Variants in NTN4 observed in about 807,000 individuals in gnomAD.
NTN4 encodes the protein netrin 4.
NTN4 carries 32 observed loss-of-function variants against 73.6 expected under a neutral mutation model. The ratio of observed to expected loss-of-function variants is 0.44; its 90% CI spans 0.33 to 0.58. NTN4 has a LOEUF of 0.58. Among genes scored for constraint, NTN4 ranks in the 20% least tolerant of loss-of-function variants. The pLI is 0.04. For synonymous variants in NTN4, 258 were observed against 287.5 expected, an observed-to-expected ratio of 0.90 and a Z score of 1.04; for missense variants, 654 against 798.3, an observed-to-expected ratio of 0.82 and a Z score of 2.18.
At chr12:95,713,502 T>A (rs183873744) in intron 3 of NTN4, among the ~76,000 whole-genome samples, 164 bp from the exon 4 acceptor site, 315 of 152,360 alleles carry the variant, frequency 2.1e-3, no homozygotes, top group Non-Finnish European at 3.5e-3. Flanking sequence ...CTTTAGTTTG[T>A]CTTATCATCT....
intron 2 of NTN4, among the ~76,000 whole-genome samples, chr12:95,751,230 GA>G (rs1405742218): frequency 6.6e-6 from 1 of 151,352 alleles, no homozygotes; most frequent in Non-Finnish European, 1.5e-5. Flanking sequence ...TACAATAATA[GA>G]AAAAAGTTGC....
intron 9 of NTN4, among the ~76,000 whole-genome samples, chr12:95,661,974 A>G (rs1215107777): frequency 6.6e-6 from 1 of 152,208 alleles, no homozygotes; most frequent in Non-Finnish European, 1.5e-5. Context: ...CCTGAGTATT[A>G]GATAACATGA....
rs1285075109 is a variant in NTN4 at position 95,771,708 on chromosome 12, AAT to A, written c.585+15229_585+15230del. ...AGTTAGATAATTTCAACATGAATGG[AAT>A]ATGAGGCCCTCAAAATCTGAAGGTC... On this transcript the variant is annotated intron_variant, in intron 2 of 9. Coordinates refer to ENST00000343702, the MANE Select transcript of NTN4 (RefSeq NM_021229.4). Among the ~76,000 whole-genome samples the A allele has an allele frequency of 2.0e-5, 3 of 152,160 alleles. No homozygotes were observed. The East Asian group carries it at 5.8e-4, about 29-fold the overall frequency.
chr12:95,702,840 T>C (rs972112205), intron 5 of NTN4, among the ~76,000 whole-genome samples: 27 of 112,504 alleles, frequency 2.4e-4, no homozygotes, highest in Non-Finnish European at 4.0e-4. Context: ...AGGTTTTCAA[T>C]GGTTTTTTTT....
chr12:95,755,421 T>C (rs1346310756), intron 2 of NTN4, among the ~76,000 whole-genome samples: 1 of 152,198 alleles, frequency 6.6e-6, no homozygotes, highest in Non-Finnish European at 1.5e-5. Flanking sequence ...GAAGATAGCA[T>C]AATTGACATG....
In NTN4 at chr12:95,781,216, T is replaced by G. The variant is rs1045876713; in HGVS notation, c.585+5723A>C. ...ATACCTTATGTAAATGACGAGTTAATGGGTGCAGCACACCAGCATGGCACA... is the reference window on the plus strand; with the variant it reads ...ATACCTTATGTAAATGACGAGTTAAGGGGTGCAGCACACCAGCATGGCACA... On this transcript the variant is annotated intron_variant, in intron 2 of 9. Transcript: ENST00000343702. The surrounding 1 kb of genome is among the most constrained non-coding windows in gnomAD (Gnocchi z 4.1). 6.6e-6 allele frequency among the ~76,000 whole-genome samples: 1 copy of G among 152,180 alleles called. No individual in the cohort carries two copies. Among genetic ancestry groups the G allele is most frequent in the Non-Finnish European group, 1.5e-5 (1 of 68,038 alleles).
chr12:95,742,038 C>T (rs182853287), intron 2 of NTN4, among the ~76,000 whole-genome samples: 18 of 152,276 alleles, frequency 1.2e-4, no homozygotes, highest in African/African-American at 3.9e-4. Flanking sequence ...CTCTAAGCCT[C>T]GAATCCCTTG....
intron 5 of NTN4, among the ~76,000 whole-genome samples, chr12:95,691,154 CA>C (rs1416078563): frequency 2.0e-5 from 3 of 152,274 alleles, no homozygotes; most frequent in Non-Finnish European, 4.4e-5. Flanking sequence ...AGCTTGATAG[CA>C]GTCAATATCT....
At chr12:95,712,671 G>A (rs1010866605) in intron 4 of NTN4, among the ~76,000 whole-genome samples, 2 of 151,846 alleles carry the variant, frequency 1.3e-5, no homozygotes, top group Non-Finnish European at 1.5e-5. Context: ...GCGTGATCTC[G>A]GCTCACTGCA....
chr12:95,697,421 G>A (rs2078450749), intron 5 of NTN4, among the ~76,000 whole-genome samples: 1 of 152,118 alleles, frequency 6.6e-6, no homozygotes, highest in African/African-American at 2.4e-5. Flanking sequence ...GAAATTTCCT[G>A]GATAATCTGA....
Position 95,670,291 on chromosome 12 carries a change from G to T in NTN4, c.1511-145C>A, listed in dbSNP as rs1009959125. 8.6e-5 allele frequency: 39 copies of T among 454,922 alleles called. 1 individual carries two copies. Among genetic ancestry groups the T allele is most frequent in the Non-Finnish European group, 9.8e-5 (25 of 256,376 alleles). The allele number at this position is 454,922 out of a possible 1,614,324, so 28.2% of individuals were successfully genotyped here. A position where few individuals can be genotyped will look rare whatever the true frequency, so the allele number is the denominator to read the frequency against. On this transcript the variant is annotated intron_variant, in intron 7 of 9. Transcript: ENST00000343702. Reference sequence around the variant, plus strand: ...TAATCTGTAAGTACCAAGGAACCACGAAAGTCATTCAAAAGAAGTAGAGTC... The same window carrying T: ...TAATCTGTAAGTACCAAGGAACCACTAAAGTCATTCAAAAGAAGTAGAGTC...
chr12:95,715,021 ACTTT>A (rs2078595290), intron 3 of NTN4, among the ~76,000 whole-genome samples: 1 of 152,074 alleles, frequency 6.6e-6, no homozygotes. Flanking sequence ...CTCATCCAGG[ACTTT>A]CTTTCTTTTA....
intron 4 of NTN4, among the ~76,000 whole-genome samples, chr12:95,712,136 A>C (rs1290297942): frequency 6.6e-6 from 1 of 152,196 alleles, no homozygotes; most frequent in Non-Finnish European, 1.5e-5. Context: ...GTGAGCGTTA[A>C]CATTGTGATG....
intron 9 of NTN4, among the ~76,000 whole-genome samples, chr12:95,661,414 G>T (rs2078136970): frequency 6.6e-6 from 1 of 152,216 alleles, no homozygotes; most frequent in African/African-American, 2.4e-5. Flanking sequence ...AGGATTATCA[G>T]TTGGCGATAA....
At chr12:95,784,776 A>T (rs558311667) in intron 2 of NTN4, among the ~76,000 whole-genome samples, 5 of 152,246 alleles carry the variant, frequency 3.3e-5, no homozygotes, top group African/African-American at 9.6e-5. Flanking sequence ...CAAAAAAAAA[A>T]AGTCTGCTAA....
Position 95,790,050 on chromosome 12 carries a change from C to T in NTN4, c.55+205G>A. ...CCCAGGATAGCTGGTTATCCAAGCG[C>T]ATGTGTATCCCAGTTGTAAAAATAA... On this transcript the variant is annotated intron_variant, in intron 1 of 9. Transcript: ENST00000343702. This position sits in a 1 kb window ranked among gnomAD's most constrained non-coding sequence, Gnocchi z 6.5. 2.2e-6 allele frequency: 1 copy of T among 456,284 alleles called. No homozygotes were observed. The highest frequency in any genetic ancestry group is 3.9e-6 in the Non-Finnish European group (1 of 253,368). 28.3% of individuals were successfully genotyped at this position (456,284 alleles called of 1,614,324 possible). A position where few individuals can be genotyped will look rare whatever the true frequency, so the allele number is the denominator to read the frequency against.
chr12:95,761,350 G>A (rs1477005226), intron 2 of NTN4, among the ~76,000 whole-genome samples: 3 of 70,624 alleles, frequency 4.2e-5, no homozygotes, highest in South Asian at 5.5e-4. Flanking sequence ...TCCCCAAGAC[G>A]GAGTCTCGCT....
intron 3 of NTN4, among the ~76,000 whole-genome samples, chr12:95,726,567 T>C (rs1011595843): frequency 6.6e-6 from 1 of 152,236 alleles, no homozygotes; most frequent in African/African-American, 2.4e-5. Context: ...ATAATGCTTC[T>C]ATGAACATTC....
At chr12:95,687,396 G>GT (rs879823211) in intron 5 of NTN4, among the ~76,000 whole-genome samples, 2 of 136,702 alleles carry the variant, frequency 1.5e-5, no homozygotes, top group South Asian at 2.5e-4. Flanking sequence ...TTTTTTTTTT[G>GT]TTTTTTTGTT....
Sources: allele counts gnomAD v4.1 joint callset (sites outside exome capture counted in the v4.1 genomes callset), GRCh38; gene constraint gnomAD v4.1.1; non-coding constraint Gnocchi (gnomAD v3.1); transcripts MANE v1.5; gene names NCBI Gene and HGNC (gene_info 2026-07-23, HGNC 2026-07-21).